The following DNAH3 variants were observed in gnomAD, a reference collection of about 807,000 sequenced individuals.
DNAH3 encodes the protein axonemal beta dynein heavy chain 3.
In DNAH3, 332 loss-of-function variants were observed where a neutral mutation model predicts 432.5. The ratio of observed to expected loss-of-function variants is 0.77; its 90% CI spans 0.70 to 0.84. The LOEUF (loss-of-function observed/expected upper bound fraction) is 0.84. Among genes scored for constraint, DNAH3 ranks in the 40% least tolerant of loss-of-function variants. The pLI is 0.00. For missense variants in DNAH3, 4,861 were observed against 5,114.0 expected, an observed-to-expected ratio of 0.95 and a Z score of 1.51; for synonymous variants, 1,956 against 1,900.2, an observed-to-expected ratio of 1.03 and a Z score of -0.76.
At position 20,994,357 on chromosome 16, in the gene DNAH3, G is replaced by A. The variant is rs550578843; in HGVS notation, c.6601+2926C>T. On this transcript the variant is annotated intron_variant, in intron 44 of 61. Coordinates refer to ENST00000261383, the Ensembl canonical transcript of DNAH3. ...TGAGGCAAGAGAATCACTTGAACCC[G>A]GAGGCGGAGGTTGCAGTGAGCTGAG... Among the ~76,000 whole-genome samples the A allele has an allele frequency of 1.1e-3, 166 of 152,260 alleles. 1 individual carries two copies. The highest frequency in any genetic ancestry group is 3.3e-3 in the African/African-American group (137 of 41,540).
intron 18 of DNAH3, among the ~76,000 whole-genome samples, chr16:21,094,672 A>G (rs2091629022): frequency 6.6e-6 from 1 of 152,020 alleles, no homozygotes; most frequent in African/African-American, 2.4e-5. Flanking sequence ...TCTCAAATAT[A>G]TATATATATA....
intron 48 of DNAH3, among the ~76,000 whole-genome samples, chr16:20,983,683 G>A (rs1000852564): frequency 6.6e-6 from 1 of 151,968 alleles, no homozygotes; most frequent in African/African-American, 2.4e-5. Context: ...GTGGAAGGGA[G>A]CATGATGTCT....
At position 20,964,450 on chromosome 16, in the gene DNAH3, G is replaced by A. The variant is rs768224422; in HGVS notation, c.9434C>T (p.Ala3145Val). The change falls in exon 53 of 62, where the codon GCA becomes GTA. Residue 3145 changes from alanine to valine, a missense_variant. Transcript: ENST00000261383. ...CTCAACTCCTTGCTGTTTGAATGTTGCCTTGAGCAAGATAGGTTCGATAGA... is the reference window on the plus strand; with the variant it reads ...CTCAACTCCTTGCTGTTTGAATGTTACCTTGAGCAAGATAGGTTCGATAGA... The A allele has an allele frequency of 6.2e-7, 1 of 1,614,148 alleles. No individual in the cohort carries two copies. Among genetic ancestry groups the A allele is most frequent in the Non-Finnish European group, 8.5e-7 (1 of 1,180,034 alleles).
chr16:20,978,093 T>G (rs1343465440), intron 50 of DNAH3, among the ~76,000 whole-genome samples: 4 of 152,216 alleles, frequency 2.6e-5, no homozygotes, highest in Non-Finnish European at 5.9e-5. Flanking sequence ...TTAGATAATT[T>G]TTCAGGTGGC....
chr16:20,940,982 C>T (rs2083784724), intron 59 of DNAH3, among the ~76,000 whole-genome samples: 1 of 152,130 alleles, frequency 6.6e-6, no homozygotes, highest in South Asian at 2.1e-4. Flanking sequence ...TGTCTGTAGA[C>T]TCAGCTACTC....
intron 1 of DNAH3, 51 bp downstream of exon 2, chr16:21,150,239 A>AAT (rs2092837001): frequency 6.9e-6 from 2 of 291,764 alleles, no homozygotes; most frequent in Non-Finnish European, 1.3e-5. Flanking sequence ...AATAAAAAAT[A>AAT]AAAAAAAAAA....
Position 20,993,929 on chromosome 16 carries a change from C to G in DNAH3, c.6601+3354G>C, listed in dbSNP as rs117664411. Among the ~76,000 whole-genome samples, 42 of 152,186 alleles carry G rather than the reference C, an allele frequency of 2.8e-4. No homozygotes were observed. The East Asian group carries it at 7.7e-3, about 28-fold the overall frequency. On this transcript the variant is annotated intron_variant, in intron 44 of 61. Coordinates refer to ENST00000261383, the Ensembl canonical transcript of DNAH3. ...GTAGTGATCATTTTGAGTCAATATT[C>G]TTAGGTATACAATGTGCTCTTCCAG... is the stretch of plus-strand genomic sequence containing the variant.
intron 3 of DNAH3, among the ~76,000 whole-genome samples, chr16:21,142,802 T>C (rs531232048): frequency 9.5e-4 from 144 of 152,126 alleles, no homozygotes; most frequent in African/African-American, 2.9e-3. Flanking sequence ...TACAGGCGCA[T>C]GCCACCACAC....
intron 44 of DNAH3, among the ~76,000 whole-genome samples, chr16:20,989,732 A>T (rs902276325): frequency 6.6e-6 from 1 of 152,204 alleles, no homozygotes; most frequent in Non-Finnish European, 1.5e-5. Context: ...CACAGAGCCC[A>T]TGGAGTGGGT....
At chr16:21,042,403 G>C (rs1398629542) in intron 31 of DNAH3, among the ~76,000 whole-genome samples, 200 bp from the exon 32 acceptor site, 1 of 152,132 alleles carries the variant, frequency 6.6e-6, no homozygotes, top group Admixed American at 6.5e-5. Flanking sequence ...GTGCGTGTGT[G>C]TGTGTGTTAA....
intron 19 of DNAH3, among the ~76,000 whole-genome samples, chr16:21,084,480 G>A (rs1218434335): frequency 1.3e-5 from 2 of 151,918 alleles, no homozygotes; most frequent in African/African-American, 2.4e-5. Flanking sequence ...GTGCCACCAC[G>A]CCCGGCTAAT....
chr16:21,032,035 G>GAA (rs35664744), intron 36 of DNAH3, among the ~76,000 whole-genome samples: 36,607 of 143,822 alleles, frequency 0.25, 5,478 homozygotes, highest in Non-Finnish European at 0.34. Flanking sequence ...ACTCTGTCTC[G>GAA]AAAAAAAAAA....
At chr16:21,069,925 G>C (rs2090720213) in intron 22 of DNAH3, among the ~76,000 whole-genome samples, 1 of 152,186 alleles carries the variant, frequency 6.6e-6, no homozygotes, top group Non-Finnish European at 1.5e-5. Context: ...TTACAAGGTA[G>C]ATGTGATTAC....
intron 41 of DNAH3, among the ~76,000 whole-genome samples, chr16:21,014,105 T>C (rs1022295253): frequency 2.6e-5 from 4 of 152,272 alleles, no homozygotes; most frequent in African/African-American, 7.2e-5. Flanking sequence ...ATTACGCTAA[T>C]ACCAAAGCCA....
intron 26 of DNAH3, among the ~76,000 whole-genome samples, chr16:21,059,573 G>GC (rs2090269279): frequency 6.6e-6 from 1 of 151,958 alleles, no homozygotes; most frequent in Admixed American, 6.6e-5. Context: ...TCAGGAGTTC[G>GC]AGACCAGCCT....
chr16:20,959,252 C>G, exon 54 of DNAH3: 1 of 1,614,176 alleles, frequency 6.2e-7, no homozygotes, highest in Non-Finnish European at 8.5e-7. Flanking sequence ...ATCCAGCTTG[C>G]GGCCAGGTGG....
At position 21,066,677 on chromosome 16, in the gene DNAH3, AC is replaced by A. The variant is rs2090562393; in HGVS notation, c.3518+605del. Among the ~76,000 whole-genome samples the A allele has an allele frequency of 2.0e-5, 3 of 152,280 alleles. No homozygotes were observed. The South Asian group carries it at 6.2e-4, about 32-fold the overall frequency. On this transcript the variant is annotated intron_variant, in intron 24 of 61. Transcript: ENST00000261383. ...AGCCACCATGACCAGCCTGGAACTA[AC>A]CTAAAACTCCCTTGACTTTTATGCA...
chr16:21,027,164 A>G, intron 37 of DNAH3, 37 bp from the exon 38 acceptor site: 2 of 1,484,706 alleles, frequency 1.3e-6, no homozygotes, highest in East Asian at 2.3e-5. Flanking sequence ...GACAGGGGAA[A>G]GGCTTAAATT....
chr16:21,086,338 AG>A (rs1470231275), intron 19 of DNAH3, among the ~76,000 whole-genome samples: 3 of 152,356 alleles, frequency 2.0e-5, no homozygotes, highest in African/African-American at 7.2e-5. Context: ...GTAGGCCCAA[AG>A]GGCTGAAAGA....
Sources: gnomAD v4.1 joint callset for allele counts (sites outside exome capture counted in the v4.1 genomes callset) on GRCh38, gnomAD v4.1.1 for gene constraint, MANE v1.5 for transcripts, NCBI Gene and HGNC (gene_info 2026-07-23, HGNC 2026-07-21) for gene names.